The following BRPF3 variants were observed in gnomAD, a reference collection of about 807,000 sequenced individuals.
BRPF3 encodes bromodomain and PHD finger-containing protein 3.
BRPF3 carries 18 observed loss-of-function variants against 102.0 expected under a neutral mutation model. The ratio of observed to expected loss-of-function variants is 0.18; its 90% CI spans 0.12 to 0.26. The LOEUF is 0.26. Among genes scored for constraint, BRPF3 ranks in the 10% least tolerant of loss-of-function variants. The pLI is 1.00. For synonymous variants in BRPF3, 570 were observed against 614.2 expected (o/e 0.93, Z 1.06); for missense variants, 1,147 against 1,567.8 (o/e 0.73, Z 4.53).
At chr6:36,205,890 T>C (rs1767888526) in intron 3 of BRPF3, among the ~76,000 whole-genome samples, 2 of 152,258 alleles carry the variant, frequency 1.3e-5, no homozygotes, top group South Asian at 4.1e-4. Context: ...ATGTTGTTAA[T>C]TTGTAACTCA....
intron 10 of BRPF3, 64 bp downstream of exon 10, chr6:36,222,329 C>T (rs1768577000): frequency 7.0e-6 from 10 of 1,419,686 alleles, no homozygotes; most frequent in Non-Finnish European, 9.7e-7. Flanking sequence ...GCTCTTCAGG[C>T]TGCTGCACTG....
intron 2 of BRPF3, among the ~76,000 whole-genome samples, chr6:36,202,148 C>G (rs1767728751): frequency 6.6e-6 from 1 of 152,078 alleles, no homozygotes; most frequent in Non-Finnish European, 1.5e-5. Flanking sequence ...CAGTCGCATC[C>G]CCTCCCCCAT....
At chr6:36,204,221 C>T (rs1354210195) in intron 2 of BRPF3, among the ~76,000 whole-genome samples, 4 of 152,210 alleles carry the variant, frequency 2.6e-5, no homozygotes, top group Non-Finnish European at 2.9e-5. Flanking sequence ...GGGCTACCCC[C>T]TGGTTTGATG....
chr6:36,211,829 G>T (rs1341680469), intron 7 of BRPF3, among the ~76,000 whole-genome samples: 1 of 152,240 alleles, frequency 6.6e-6, no homozygotes, highest in African/African-American at 2.4e-5. Context: ...TGGATATTTA[G>T]TTGCTGGATT....
In BRPF3 at chr6:36,225,218, C is replaced by T. The variant is rs1236101822; in HGVS notation, c.3182-49C>T. 6 of 1,535,656 alleles carry T rather than the reference C, an allele frequency of 3.9e-6. No individual in the cohort carries two copies. The Admixed American group carries it at 5.1e-5, about 13-fold the overall frequency. ...GGCCACAGGCAGGCCTTTTGGGCAC[C>T]ATTCCAAGTCCCCTTTGGGTGCTGT... On this transcript the variant is annotated intron_variant, in intron 10 of 12. Coordinates refer to ENST00000357641, the MANE Select transcript of BRPF3 (RefSeq NM_015695.3).
intron 10 of BRPF3, among the ~76,000 whole-genome samples, chr6:36,223,652 A>G (rs556412840): frequency 6.6e-6 from 1 of 152,030 alleles, no homozygotes; most frequent in Non-Finnish European, 1.5e-5. Flanking sequence ...CATAATCTTT[A>G]TATATCTCAT....
chr6:36,204,914 A>G lies in BRPF3; in HGVS notation c.1605+100A>G, dbSNP rs907219553. On this transcript the variant is annotated intron_variant, in intron 3 of 12. Coordinates refer to ENST00000357641, the MANE Select transcript of BRPF3 (RefSeq NM_015695.3). ...GCTGGCACCCCTTCTTGATCCCTCC[A>G]TGGAGCCTTTGCCTACCTGTCTGGG... The G allele has an allele frequency of 3.2e-5, 48 of 1,501,312 alleles. No individual in the cohort carries two copies. In the East Asian group the frequency reaches 8.9e-4, roughly 28 times the overall value. The allele number at this position is 1,501,312 out of a possible 1,614,324, so 93.0% of individuals were successfully genotyped here.
chr6:36,198,142 G>C (rs1220012070), intron 1 of BRPF3, among the ~76,000 whole-genome samples: 1 of 152,194 alleles, frequency 6.6e-6, no homozygotes, highest in Non-Finnish European at 1.5e-5. Flanking sequence ...CAGAATTGCT[G>C]CGATGATTCT....
chr6:36,201,591 G>A lies in BRPF3; in HGVS notation c.1269G>A (p.Glu423=). 6.2e-7 allele frequency: 1 copy of A among 1,614,074 alleles called. No homozygotes were observed. The highest frequency in any genetic ancestry group is 1.1e-5 in the South Asian group (1 of 91,078). ...AGGGTGATGGAGAGGAGGAAGAAGAGGAAGAGGTGGAGGAAGAAGAGCAGG... is the reference window on the plus strand; with the variant it reads ...AGGGTGATGGAGAGGAGGAAGAAGAAGAAGAGGTGGAGGAAGAAGAGCAGG... ...LKEGDGEEEE[E]EEVEEEEQEA... The change falls in exon 2 of 13, where the codon GAG becomes GAA. Residue 423 remains glutamate (E), a synonymous_variant. Transcript: ENST00000357641. This position sits in a 1 kb window ranked among gnomAD's most constrained non-coding sequence, Gnocchi z 5.1.
chr6:36,206,335 T>A (rs573266616), intron 3 of BRPF3, among the ~76,000 whole-genome samples: 47 of 152,324 alleles, frequency 3.1e-4, no homozygotes, highest in Non-Finnish European at 5.6e-4. Context: ...CTTGATTTTA[T>A]AAGCTTGGCT....
chr6:36,232,337 C>G lies in BRPF3; in HGVS notation c.*1728C>G, dbSNP rs1768963905. The G allele has an allele frequency of 6.6e-6, 1 of 152,304 alleles. No homozygotes were observed. Among genetic ancestry groups the G allele is most frequent in the South Asian group, 2.1e-4 (1 of 4,834 alleles). The allele number at this position is 152,304 out of a possible 1,614,324, so 9.4% of individuals were successfully genotyped here. On this transcript the variant is annotated 3_prime_UTR_variant, in exon 13 of 13. Transcript: ENST00000357641. ...TTAAAGGAGCCAGTGCTTCCCCTCT[C>G]CCCAGGTAGTTGGTCAGCTGTGGAC... is the stretch of plus-strand genomic sequence containing the variant.
At chr6:36,229,304 C>T (rs1447515028) in intron 12 of BRPF3, among the ~76,000 whole-genome samples, 2 of 152,210 alleles carry the variant, frequency 1.3e-5, no homozygotes, top group Non-Finnish European at 2.9e-5. Context: ...GGGGCGGGAG[C>T]GATGCAGCAC....
chr6:36,224,515 C>T (rs1389825630), intron 10 of BRPF3, among the ~76,000 whole-genome samples: 1 of 152,218 alleles, frequency 6.6e-6, no homozygotes, highest in Admixed American at 6.5e-5. Context: ...CTGCTTAGCT[C>T]TGCTGAGTGC....
Position 36,209,897 on chromosome 6 carries a change from A to G in BRPF3, c.1848A>G (p.Glu616=), listed in dbSNP as rs1159894593. The change falls in exon 5 of 13, where the codon GAA becomes GAG. Residue 616 remains glutamate (E), a synonymous_variant. Coordinates refer to ENST00000357641, the MANE Select transcript of BRPF3 (RefSeq NM_015695.3). ...QEKDPAHIFA[E]PVNLSEVPDY... is the part of the protein sequence containing the mutation. ...AGGATCCTGCACACATCTTCGCAGA[A>G]CCAGTCAACTTGAGTGAGGCAAGTT... 3 of 1,613,964 alleles carry G rather than the reference A, an allele frequency of 1.9e-6. No individual in the cohort carries two copies. In the African/African-American group the frequency reaches 4.0e-5, roughly 22 times the overall value.
rs762045712 is a variant in BRPF3 at position 36,209,775 on chromosome 6, C to T, written c.1738-12C>T. The T allele has an allele frequency of 2.2e-5, 35 of 1,613,250 alleles. No homozygotes were observed. The highest frequency in any genetic ancestry group is 1.1e-4 in the African/African-American group (8 of 74,908). On this transcript the variant is annotated splice_polypyrimidine_tract_variant and intron_variant, in intron 4 of 12. Transcript: ENST00000357641. ...GATGTTCTGATCTGATCTCACCCCACCTTCCCCACAGGTCAAAGTCCAGCA... is the reference window on the plus strand; with the variant it reads ...GATGTTCTGATCTGATCTCACCCCATCTTCCCCACAGGTCAAAGTCCAGCA...
chr6:36,200,415 C>T lies in BRPF3; in HGVS notation c.93C>T (p.Thr31=), dbSNP rs1158025356. Residue 31 remains threonine, a synonymous_variant, in exon 2 of 13, where the codon ACC becomes ACT. Transcript: ENST00000357641. The surrounding 1 kb of genome is among the most constrained non-coding windows in gnomAD (Gnocchi z 5.3). The part of the protein sequence containing the change: ...YSLKCSPTRE[T]LTYAQAQRIV... The stretch of plus-strand genomic sequence containing the variant: ...TCAAGTGCTCACCCACCCGGGAGAC[C>T]CTGACATATGCCCAGGCCCAGCGGA... 3 of 1,614,098 alleles carry T rather than the reference C, an allele frequency of 1.9e-6. No individual in the cohort carries two copies. In the African/African-American group the frequency reaches 4.0e-5, roughly 22 times the overall value.
intron 6 of BRPF3, 120 bp from the exon 7 acceptor site, chr6:36,211,138 G>A: frequency 1.7e-6 from 2 of 1,164,990 alleles, no homozygotes; most frequent in Non-Finnish European, 2.4e-6. Context: ...TGACGCTGCT[G>A]GAAGCTGCTG....
rs1340915222 is a variant in BRPF3, at chr6:36,201,902, A to ACC, written c.1448+135_1448+136dup. The ACC allele has an allele frequency of 4.5e-6, 6 of 1,347,726 alleles. No homozygotes were observed. Among genetic ancestry groups the ACC allele is most frequent in the Admixed American group, 5.6e-5 (2 of 35,848 alleles). 83.5% of individuals were successfully genotyped at this position (1,347,726 alleles called of 1,614,324 possible). A position where few individuals can be genotyped will look rare whatever the true frequency, so the allele number is the denominator to read the frequency against. On this transcript the variant is annotated intron_variant, in intron 2 of 12. Coordinates refer to ENST00000357641, the MANE Select transcript of BRPF3 (RefSeq NM_015695.3). This position sits in a 1 kb window ranked among gnomAD's most constrained non-coding sequence, Gnocchi z 5.1. ...CCCCGAATTTAAACTCTTCCTTTTG[A>ACC]CCCCAGGCTCACCTGGCCTGGTTTG... is the stretch of plus-strand genomic sequence containing the variant.
rs753311979 is a variant in BRPF3, at chr6:36,210,320, C to T, written c.1971C>T (p.Asp657=). The T allele has an allele frequency of 1.2e-6, 2 of 1,614,100 alleles. No homozygotes were observed. The highest frequency in any genetic ancestry group is 2.7e-5 in the African/African-American group (2 of 74,938). ...GCACCTTGGAGGAGTTTGAGGAGGACTTTAACCTTATAGTTACCAACTGCA... is the reference window on the plus strand; with the variant it reads ...GCACCTTGGAGGAGTTTGAGGAGGATTTTAACCTTATAGTTACCAACTGCA... ...LYRTLEEFEE[D]FNLIVTNCMK... is the part of the protein sequence containing the mutation. Residue 657 remains aspartate, a synonymous_variant, in exon 6 of 13, where the codon GAC becomes GAT. Coordinates refer to ENST00000357641, the MANE Select transcript of BRPF3 (RefSeq NM_015695.3). The surrounding 1 kb of genome is among the most constrained non-coding windows in gnomAD (Gnocchi z 4.7).
Sources: gnomAD v4.1 joint callset for allele counts (sites outside exome capture counted in the v4.1 genomes callset) on GRCh38, gnomAD v4.1.1 for gene constraint, Gnocchi (gnomAD v3.1) non-coding constraint, MANE v1.5 for transcripts, NCBI Gene and HGNC (gene_info 2026-07-23, HGNC 2026-07-21) for gene names.